The following GRIK1 variants were observed in gnomAD, a reference collection of about 807,000 sequenced individuals.
GRIK1 encodes the protein glutamate receptor ionotropic, kainate 1.
GRIK1 carries 69 observed loss-of-function variants against 105.7 expected under a neutral mutation model. That is an observed-to-expected ratio of 0.65 (90% confidence interval 0.54 to 0.80). GRIK1 has a LOEUF of 0.80. GRIK1 is among the 30% of genes least tolerant of loss of function. The pLI is 0.00. For synonymous variants in GRIK1, 438 were observed against 431.3 expected (o/e 1.02, Z -0.19); for missense variants, 1,109 against 1,167.3 (o/e 0.95, Z 0.73).
Position 29,828,011 on chromosome 21 carries a change from C to CTCTCTGTCTCTGTG in GRIK1, c.118+111371_118+111372insCACAGAGACAGAGA, listed in dbSNP as rs1218773356. 3.3e-4 allele frequency among the ~76,000 whole-genome samples: 25 copies of CTCTCTGTCTCTGTG among 76,508 alleles called. 1 individual carries two copies. The highest frequency in any genetic ancestry group is 7.6e-4 in the African/African-American group (24 of 31,444). 50.2% of individuals were successfully genotyped at this position (76,508 alleles called of 152,430 possible). A position where few individuals can be genotyped will look rare whatever the true frequency, so the allele number is the denominator to read the frequency against. The stretch of plus-strand genomic sequence containing the variant: ...TCTCTCTCTCTCTCTCTGTCTCTCT[C>CTCTCTGTCTCTGTG]TGTGTGTGTGTGTGTGTGTGTGTGG... On this transcript the variant is annotated intron_variant, in intron 1 of 17. Coordinates refer to ENST00000327783, the MANE Select transcript of GRIK1 (RefSeq NM_001330994.2).
rs116467092 is a variant in GRIK1 at position 29,858,705 on chromosome 21, G to A, written c.118+80678C>T. Among the ~76,000 whole-genome samples the A allele has an allele frequency of 6.8e-3, 1,032 of 152,178 alleles. 12 individuals are homozygous for A. The highest frequency in any genetic ancestry group is 0.024 in the African/African-American group (976 of 41,526). On this transcript the variant is annotated intron_variant, in intron 1 of 17. Transcript: ENST00000327783. ...TAGCTCATGATACCACTCCTGCCAA[G>A]CCATGCCTGTAGCTCTGCTCAGTGA...
At chr21:29,800,655 C>T (rs111576498) in intron 1 of GRIK1, among the ~76,000 whole-genome samples, 2 of 152,178 alleles carry the variant, frequency 1.3e-5, no homozygotes, top group Non-Finnish European at 2.9e-5. Context: ...CAAACCAACC[C>T]GTTCACGCAT....
intron 1 of GRIK1, among the ~76,000 whole-genome samples, chr21:29,851,034 A>G (rs1381119619): frequency 1.3e-5 from 2 of 151,552 alleles, no homozygotes; most frequent in African/African-American, 4.9e-5. Context: ...GTCTGTGAAA[A>G]TGAATCAACT....
At chr21:29,775,306 A>T (rs561291458) in intron 1 of GRIK1, among the ~76,000 whole-genome samples, 1 of 151,474 alleles carries the variant, frequency 6.6e-6, no homozygotes, top group African/African-American at 2.4e-5. Flanking sequence ...AAAGTCCACC[A>T]ATAGTTGCTT....
chr21:29,644,846 TGATATGTC>T (rs1369455273), intron 6 of GRIK1, among the ~76,000 whole-genome samples: 7 of 152,242 alleles, frequency 4.6e-5, no homozygotes, highest in African/African-American at 1.7e-4. Flanking sequence ...TGAGCACTTA[TGATATGTC>T]GCATGCTGTT....
intron 1 of GRIK1, among the ~76,000 whole-genome samples, chr21:29,825,122 G>A (rs1052214804): frequency 9.9e-5 from 15 of 151,986 alleles, no homozygotes; most frequent in South Asian, 8.3e-4. Flanking sequence ...AGAATAATTC[G>A]GTTCCTAAAT....
intron 7 of GRIK1, among the ~76,000 whole-genome samples, chr21:29,620,869 A>T (rs1568897975): frequency 6.8e-6 from 1 of 147,522 alleles, no homozygotes; most frequent in Non-Finnish European, 1.5e-5. Context: ...AGTTATATAT[A>T]TTATTTCCTA....
chr21:29,767,867 T>C (rs2065713133), intron 1 of GRIK1, among the ~76,000 whole-genome samples: 1 of 6,628 alleles, frequency 1.5e-4, no homozygotes, highest in Non-Finnish European at 8.4e-4. Flanking sequence ...GAAATTCATG[T>C]GTGTGTGTGT....
chr21:29,811,885 C>A (rs2067019072), intron 1 of GRIK1, among the ~76,000 whole-genome samples: 1 of 152,154 alleles, frequency 6.6e-6, no homozygotes, highest in South Asian at 2.1e-4. Context: ...TATTTGCATT[C>A]CTCCTTACCT....
chr21:29,929,306 C>T (rs911870802), intron 1 of GRIK1, among the ~76,000 whole-genome samples: 5 of 152,130 alleles, frequency 3.3e-5, no homozygotes, highest in Non-Finnish European at 5.9e-5. Context: ...CTTTAATAAT[C>T]GAGAATCTAC....
chr21:29,571,283 G>T (rs990849514), intron 14 of GRIK1, among the ~76,000 whole-genome samples: 1 of 151,798 alleles, frequency 6.6e-6, no homozygotes, highest in Non-Finnish European at 1.5e-5. Context: ...CTTGAACTCA[G>T]GAGGCAGAGG....
intron 1 of GRIK1, among the ~76,000 whole-genome samples, chr21:29,753,307 T>C (rs990320356): frequency 6.6e-6 from 1 of 152,202 alleles, no homozygotes; most frequent in Non-Finnish European, 1.5e-5. Context: ...ATTGTACAAA[T>C]AGGTGAGAGG....
At chr21:29,735,669 G>T (rs771059463) in intron 1 of GRIK1, among the ~76,000 whole-genome samples, 1 of 151,962 alleles carries the variant, frequency 6.6e-6, no homozygotes, top group Admixed American at 6.6e-5. Context: ...GGTCGAGGCG[G>T]GTGGATCACC....
At chr21:29,645,713 T>C (rs2062604933) in intron 6 of GRIK1, among the ~76,000 whole-genome samples, 2 of 152,236 alleles carry the variant, frequency 1.3e-5, no homozygotes, top group African/African-American at 4.8e-5. Context: ...GCCTGCTTAC[T>C]GAATGACTGT....
chr21:29,580,035 G>A (rs949859152), intron 13 of GRIK1, among the ~76,000 whole-genome samples: 7 of 139,240 alleles, frequency 5.0e-5, no homozygotes, highest in South Asian at 4.3e-4. Flanking sequence ...ATGTATATAT[G>A]TGTATATATG....
intron 1 of GRIK1, among the ~76,000 whole-genome samples, chr21:29,825,909 C>A (rs758138514): frequency 1.3e-5 from 2 of 152,040 alleles, no homozygotes; most frequent in Non-Finnish European, 2.9e-5. Flanking sequence ...TCCTCTCTCT[C>A]CCCACACAAA....
At chr21:29,716,216 A>C (rs550681672) in intron 1 of GRIK1, among the ~76,000 whole-genome samples, 6 of 152,172 alleles carry the variant, frequency 3.9e-5, no homozygotes, top group Non-Finnish European at 7.3e-5. Flanking sequence ...TTTCATTATA[A>C]ATTACCCATC....
intron 1 of GRIK1, among the ~76,000 whole-genome samples, chr21:29,788,022 T>G (rs1321156010): frequency 6.6e-6 from 1 of 152,246 alleles, no homozygotes; most frequent in African/African-American, 2.4e-5. Flanking sequence ...CATTCATTTG[T>G]TCATTTATGT....
At chr21:29,791,189 T>G (rs1211891553) in intron 1 of GRIK1, among the ~76,000 whole-genome samples, 1 of 152,114 alleles carries the variant, frequency 6.6e-6, no homozygotes, top group Admixed American at 6.5e-5. Flanking sequence ...CCATGGGACT[T>G]CGCAAGATGT....
Sources: allele counts gnomAD v4.1 joint callset (sites outside exome capture counted in the v4.1 genomes callset), GRCh38; gene constraint gnomAD v4.1.1; transcripts MANE v1.5; gene names NCBI Gene and HGNC (gene_info 2026-07-23, HGNC 2026-07-21).